Variants in FGD6 observed in about 807,000 individuals in gnomAD.
FGD6 encodes the protein FYVE, RhoGEF and PH domain containing 6, also known as FYVE, RhoGEF and PH domain-containing protein 6.
A neutral mutation model predicts 149.4 loss-of-function variants in FGD6; 90 were observed. The ratio of observed to expected loss-of-function variants is 0.60; its 90% CI spans 0.51 to 0.72. The LOEUF (loss-of-function observed/expected upper bound fraction) is 0.72, where lower values mean the gene tolerates loss of function less well. FGD6 is among the 30% of genes least tolerant of loss of function. FGD6 has a pLI of 0.00. For missense variants in FGD6, 1,437 were observed against 1,684.8 expected (o/e 0.85, Z 2.57); for synonymous variants, 527 against 584.0 (o/e 0.90, Z 1.41).
At chr12:95,172,302 G>C (rs1048851079) in intron 3 of FGD6, among the ~76,000 whole-genome samples, 2 of 152,138 alleles carry the variant, frequency 1.3e-5, no homozygotes, top group Non-Finnish European at 2.9e-5. Flanking sequence ...CTTGAACCCG[G>C]GAGGTAAAGG....
At chr12:95,132,150 ATTC>A (rs974382727) in intron 8 of FGD6, among the ~76,000 whole-genome samples, 1 of 152,132 alleles carries the variant, frequency 6.6e-6, no homozygotes. Context: ...ATAAAACAAA[ATTC>A]TTCTTCTTTT....
intron 2 of FGD6, among the ~76,000 whole-genome samples, chr12:95,192,581 C>T (rs967196532): frequency 5.9e-5 from 9 of 152,110 alleles, no homozygotes; most frequent in Non-Finnish European, 1.3e-4. Flanking sequence ...TTTAGGATCC[C>T]CCATCCATGC....
At chr12:95,192,301 G>C (rs371747880) in intron 2 of FGD6, among the ~76,000 whole-genome samples, 2 of 152,162 alleles carry the variant, frequency 1.3e-5, no homozygotes, top group African/African-American at 2.4e-5. Flanking sequence ...AAAATGTTAT[G>C]ATAGAATGAT....
chr12:95,210,082 T>G lies in FGD6; in HGVS notation c.1202A>C (p.Gln401Pro), dbSNP rs781612786. 1 of 1,614,206 alleles carries G rather than the reference T, an allele frequency of 6.2e-7. No individual in the cohort carries two copies. The highest frequency in any genetic ancestry group is 8.5e-7 in the Non-Finnish European group (1 of 1,180,044). Residue 401 changes from glutamine (Q) to proline (P), a missense_variant, in exon 2 of 21, where the codon CAG (glutamine) becomes CCG (proline). Around this residue, in one of 2 missense-constraint regions of FGD6, gnomAD observed 1,055 missense variants for 1,146.0 expected, o/e 0.92. Coordinates refer to ENST00000343958, the MANE Select transcript of FGD6 (RefSeq NM_018351.4). The stretch of plus-strand genomic sequence containing the variant: ...AGTTGTTTCATTACACATGGCTTTC[T>G]GTGAATTGACTAAGTCCTGTGCATC... ...NSDAQDLVNS[Q>P]KAMCNETTSF...
At position 95,116,372 on chromosome 12, in the gene FGD6, C is replaced by A. The variant is rs373615447; in HGVS notation, c.3083-2671G>T. Reference sequence around the variant, plus strand: ...CTATATCTTGTTGTGGGAAGGAATGCAGATTTACCTAAATATTGGACTCAT... The same window carrying A: ...CTATATCTTGTTGTGGGAAGGAATGAAGATTTACCTAAATATTGGACTCAT... On this transcript the variant is annotated intron_variant, in intron 8 of 20. Coordinates refer to ENST00000343958, the MANE Select transcript of FGD6 (RefSeq NM_018351.4). 1.8e-4 allele frequency among the ~76,000 whole-genome samples: 28 copies of A among 152,290 alleles called. No individual in the cohort carries two copies. The East Asian group carries it at 3.7e-3, about 20-fold the overall frequency.
At chr12:95,169,054 C>A (rs868682080) in intron 3 of FGD6, among the ~76,000 whole-genome samples, 112 of 152,186 alleles carry the variant, frequency 7.4e-4, no homozygotes, top group African/African-American at 2.7e-3. Flanking sequence ...AGAGAAAATT[C>A]ATTAGCGTGG....
chr12:95,149,993 T>TACACACACACACAC (rs10652699), intron 5 of FGD6, among the ~76,000 whole-genome samples: 121 of 131,992 alleles, frequency 9.2e-4, no homozygotes, highest in East Asian at 3.1e-3. Flanking sequence ...TGCTATATAT[T>TACACACACACACAC]ACACACACAC....
chr12:95,210,443 T>C lies in FGD6; in HGVS notation c.841A>G (p.Ser281Gly), dbSNP rs1245654963. 5 of 1,614,018 alleles carry C rather than the reference T, an allele frequency of 3.1e-6. No individual in the cohort carries two copies. The African/African-American group carries it at 5.3e-5, about 17-fold the overall frequency. The change falls in exon 2 of 21, where the codon AGT becomes GGT. Residue 281 changes from serine to glycine, a missense_variant. This residue lies in a region of FGD6 where 1,055 missense variants were observed against 1,146.0 expected (regional missense o/e 0.92). Transcript: ENST00000343958. ...ELEALENGKRSTLISSDGVSK... is the reference protein window; with the variant it reads ...ELEALENGKRGTLISSDGVSK... ...ACTCCATCTGAAGATATTAAAGTAC[T>C]CCTTTTCCCATTTTCCAGAGCCTCT...
In FGD6 at chr12:95,093,676, C is replaced by CAAA. The variant is rs35498911; in HGVS notation, c.3601-834_3601-832dup. Among the ~76,000 whole-genome samples, 388 of 137,314 alleles carry CAAA rather than the reference C, an allele frequency of 2.8e-3. 3 individuals are homozygous for CAAA. Among genetic ancestry groups the CAAA allele is most frequent in the African/African-American group, 9.9e-3 (365 of 36,822 alleles). The allele number at this position is 137,314 out of a possible 152,430, so 90.1% of individuals were successfully genotyped here. A position where few individuals can be genotyped will look rare whatever the true frequency, so the allele number is the denominator to read the frequency against. ...GGGCAATAAGAGCAAAACTCTGTCT[C>CAAA]AAAAAAAAAAAAAAATACAAAAATT... On this transcript the variant is annotated intron_variant, in intron 15 of 20. Coordinates refer to ENST00000343958, the MANE Select transcript of FGD6 (RefSeq NM_018351.4).
chr12:95,203,142 C>A (rs1592875776), intron 2 of FGD6, among the ~76,000 whole-genome samples: 2 of 152,166 alleles, frequency 1.3e-5, no homozygotes, highest in African/African-American at 4.8e-5. Flanking sequence ...TTCAGCAGCT[C>A]TTCAAGACCA....
At chr12:95,200,188 G>A (rs1881835282) in intron 2 of FGD6, among the ~76,000 whole-genome samples, 1 of 152,030 alleles carries the variant, frequency 6.6e-6, no homozygotes, top group South Asian at 2.1e-4. Flanking sequence ...AAAAAAAACT[G>A]ACTTCAAAAA....
intron 9 of FGD6, among the ~76,000 whole-genome samples, chr12:95,113,421 A>G (rs1177505457): frequency 6.6e-6 from 1 of 151,696 alleles, no homozygotes; most frequent in African/African-American, 2.4e-5. Flanking sequence ...TTTTTAGTAG[A>G]GAAGGGGTTT....
chr12:95,185,732 G>A (rs531139557), intron 2 of FGD6, among the ~76,000 whole-genome samples: 84 of 152,146 alleles, frequency 5.5e-4, no homozygotes, highest in African/African-American at 1.9e-3. Flanking sequence ...ATGGTGGTGC[G>A]CACCTGTAAT....
chr12:95,114,988 A>G (rs1343968082), intron 8 of FGD6, among the ~76,000 whole-genome samples: 1 of 152,170 alleles, frequency 6.6e-6, no homozygotes, highest in Non-Finnish European at 1.5e-5. Flanking sequence ...TCTCGCTTAT[A>G]CAAATTCTAC....
At chr12:95,197,332 G>A (rs1239574398) in intron 2 of FGD6, among the ~76,000 whole-genome samples, 1 of 152,152 alleles carries the variant, frequency 6.6e-6, no homozygotes, top group South Asian at 2.1e-4. Flanking sequence ...CAGCTACTCA[G>A]GAGGCTGAGG....
intron 2 of FGD6, among the ~76,000 whole-genome samples, chr12:95,184,764 G>C (rs1881379329): frequency 1.3e-5 from 2 of 151,838 alleles, no homozygotes; most frequent in Admixed American, 1.3e-4. Context: ...TATATTTTTA[G>C]TGGAGATGGG....
chr12:95,094,755 C>T, intron 14 of FGD6, 61 bp from the exon 15 acceptor site: 2 of 1,263,854 alleles, frequency 1.6e-6, no homozygotes, highest in Admixed American at 1.7e-5. Context: ...CCTTTTTCTT[C>T]TTTTCTTTCT....
chr12:95,203,082 T>C (rs892272707), intron 2 of FGD6, among the ~76,000 whole-genome samples: 4 of 152,198 alleles, frequency 2.6e-5, no homozygotes, highest in South Asian at 4.1e-4. Flanking sequence ...TCTTCTAGAC[T>C]AGGTTTCCTG....
chr12:95,126,391 A>G (rs1879338787), intron 8 of FGD6: 3 of 1,435,310 alleles, frequency 2.1e-6, no homozygotes, highest in South Asian at 1.3e-5. Context: ...AAGAAAGCAT[A>G]TGAGGCAACT....
Sources: allele counts gnomAD v4.1 joint callset (sites outside exome capture counted in the v4.1 genomes callset), GRCh38; gene constraint gnomAD v4.1.1; regional missense constraint gnomAD v4.1.1; transcripts MANE v1.5; gene names NCBI Gene and HGNC (gene_info 2026-07-23, HGNC 2026-07-21).